EXOC6B: variants seen among roughly 807,000 people sequenced by gnomAD.
EXOC6B encodes the protein exocyst complex component 6B, also known as SEC15 homolog B.
EXOC6B carries 54 observed loss-of-function variants against 113.5 expected under a neutral mutation model. The observed-to-expected ratio is 0.48, with a 90% confidence interval of 0.38 to 0.60. The LOEUF is 0.60. Ranked by LOEUF, EXOC6B falls within the 20% of genes least tolerant of loss-of-function variation. The probability of loss-of-function intolerance (pLI) is 0.00; values close to 1 mark genes in which losing one functional copy is unlikely to be tolerated. For synonymous variants in EXOC6B, 357 were observed against 339.0 expected (o/e 1.05, Z -0.58); for missense variants, 797 against 977.5 (o/e 0.82, Z 2.46).
chr2:72,251,471 A>G (rs1683013411), intron 20 of EXOC6B, among the ~76,000 whole-genome samples: 1 of 152,182 alleles, frequency 6.6e-6, no homozygotes, highest in Non-Finnish European at 1.5e-5. Flanking sequence ...ACTGTTATTC[A>G]CGTGAAACTA....
At chr2:72,735,475 G>A (rs188539109) in intron 2 of EXOC6B, among the ~76,000 whole-genome samples, 48 of 152,200 alleles carry the variant, frequency 3.2e-4, no homozygotes, top group African/African-American at 1.0e-3. Context: ...AACCATGGAC[G>A]TAAAACATAT....
chr2:72,573,898 G>A (rs1704662959), intron 7 of EXOC6B, among the ~76,000 whole-genome samples: 1 of 152,012 alleles, frequency 6.6e-6, no homozygotes, highest in Non-Finnish European at 1.5e-5. Flanking sequence ...GGTGGATCAC[G>A]ACGTCGGGTG....
At chr2:72,407,611 A>C (rs1397105144) in intron 18 of EXOC6B, among the ~76,000 whole-genome samples, 1 of 152,194 alleles carries the variant, frequency 6.6e-6, no homozygotes, top group Non-Finnish European at 1.5e-5. Flanking sequence ...CAATGACAAA[A>C]ACCACATGAT....
chr2:72,253,252 G>A (rs1683138301), intron 20 of EXOC6B, among the ~76,000 whole-genome samples: 1 of 152,186 alleles, frequency 6.6e-6, no homozygotes, highest in African/African-American at 2.4e-5. Flanking sequence ...TGGTGGGAAT[G>A]TAAATTAGTT....
At chr2:72,311,432 C>T (rs945875212) in intron 20 of EXOC6B, among the ~76,000 whole-genome samples, 2 of 152,224 alleles carry the variant, frequency 1.3e-5, no homozygotes, top group South Asian at 2.1e-4. Context: ...CCTCCTTCCT[C>T]CATCTTCAAA....
intron 20 of EXOC6B, among the ~76,000 whole-genome samples, chr2:72,204,723 G>A (rs1027065098): frequency 6.6e-6 from 1 of 152,166 alleles, no homozygotes; most frequent in African/African-American, 2.4e-5. Context: ...ACATTACAGA[G>A]TGGCCATAAA....
rs1679025860 is a variant in EXOC6B at position 72,194,318 on chromosome 2, G to A, written c.2197-10131C>T. Among the ~76,000 whole-genome samples the A allele has an allele frequency of 2.0e-5, 3 of 152,244 alleles. No individual in the cohort carries two copies. In the South Asian group the frequency reaches 6.2e-4, roughly 32 times the overall value. Reference sequence around the variant, plus strand: ...TAGTAGAGAAGGTAGAAGGAATTTGGTATTCTGGTTCTTGAGAGGCAGAAT... The same window carrying A: ...TAGTAGAGAAGGTAGAAGGAATTTGATATTCTGGTTCTTGAGAGGCAGAAT... On this transcript the variant is annotated intron_variant, in intron 20 of 21. Coordinates refer to ENST00000272427, the MANE Select transcript of EXOC6B (RefSeq NM_015189.3).
At chr2:72,729,792 C>T (rs1680523108) in intron 5 of EXOC6B, among the ~76,000 whole-genome samples, 1 of 152,034 alleles carries the variant, frequency 6.6e-6, no homozygotes, top group South Asian at 2.1e-4. Flanking sequence ...ACTAATAGTA[C>T]CTTCATATCT....
intron 1 of EXOC6B, among the ~76,000 whole-genome samples, chr2:72,778,842 T>C (rs1454150324): frequency 6.6e-6 from 1 of 152,170 alleles, no homozygotes; most frequent in East Asian, 1.9e-4. Context: ...AAATTCGTTT[T>C]CTTCAGGGTT....
chr2:72,322,664 A>T (rs1257498245), intron 20 of EXOC6B, among the ~76,000 whole-genome samples: 1 of 152,184 alleles, frequency 6.6e-6, no homozygotes, highest in Non-Finnish European at 1.5e-5. Context: ...GGAACAGAAC[A>T]GAGGCCTCAG....
intron 20 of EXOC6B, among the ~76,000 whole-genome samples, chr2:72,323,504 T>C (rs1437432246): frequency 6.6e-6 from 1 of 152,164 alleles, no homozygotes; most frequent in Non-Finnish European, 1.5e-5. Context: ...CAAAGGATTA[T>C]AAATCATTCT....
chr2:72,577,604 T>C (rs1704956757), intron 6 of EXOC6B, among the ~76,000 whole-genome samples: 1 of 151,972 alleles, frequency 6.6e-6, no homozygotes, highest in Non-Finnish European at 1.5e-5. Flanking sequence ...TTATCATCTA[T>C]TCAAAATGTA....
intron 8 of EXOC6B, among the ~76,000 whole-genome samples, chr2:72,540,659 A>G (rs576198209): frequency 4.0e-4 from 61 of 152,282 alleles, no homozygotes; most frequent in African/African-American, 1.2e-3. Context: ...GTATTTTCCC[A>G]AAGGTAGAGG....
At chr2:72,406,557 A>T (rs527492757) in intron 18 of EXOC6B, among the ~76,000 whole-genome samples, 2 of 152,344 alleles carry the variant, frequency 1.3e-5, no homozygotes, top group South Asian at 4.1e-4. Flanking sequence ...ACTCACTTAA[A>T]ACCGCTCAAC....
chr2:72,736,854 C>T (rs1305915544), intron 2 of EXOC6B, among the ~76,000 whole-genome samples: 1 of 152,110 alleles, frequency 6.6e-6, no homozygotes, highest in Non-Finnish European at 1.5e-5. Context: ...TAGAAAAGAA[C>T]AGCCCAAGAT....
At chr2:72,461,064 C>T (rs1034091197) in intron 18 of EXOC6B, among the ~76,000 whole-genome samples, 111 of 151,418 alleles carry the variant, frequency 7.3e-4, no homozygotes, top group African/African-American at 2.5e-3. Context: ...TGTAGGGACA[C>T]GGATGAAACT....
At chr2:72,737,562 A>T (rs1355348074) in intron 2 of EXOC6B, among the ~76,000 whole-genome samples, 1 of 152,168 alleles carries the variant, frequency 6.6e-6, no homozygotes, top group East Asian at 1.9e-4. Context: ...ATATTTAAAA[A>T]GTTATTTCAG....
intron 8 of EXOC6B, among the ~76,000 whole-genome samples, chr2:72,540,937 C>T (rs1377152523): frequency 6.6e-6 from 1 of 152,146 alleles, no homozygotes; most frequent in Non-Finnish European, 1.5e-5. Context: ...ATCTCCTTGG[C>T]TTCTTTTAAT....
chr2:72,271,014 C>T (rs959161377), intron 20 of EXOC6B, among the ~76,000 whole-genome samples: 1 of 152,158 alleles, frequency 6.6e-6, no homozygotes, highest in African/African-American at 2.4e-5. Context: ...TAGCAGTTCT[C>T]AAGTACATAA....
Sources: allele counts gnomAD v4.1 joint callset (sites outside exome capture counted in the v4.1 genomes callset), GRCh38; gene constraint gnomAD v4.1.1; transcripts MANE v1.5; gene names NCBI Gene and HGNC (gene_info 2026-07-23, HGNC 2026-07-21).